The following MTFR1 variants were observed in gnomAD, a reference collection of about 807,000 sequenced individuals.
The protein encoded by MTFR1 is chondrocyte protein with a poly-proline region.
In MTFR1, 28 loss-of-function variants were observed where a neutral mutation model predicts 38.8. The ratio of observed to expected loss-of-function variants is 0.72; its 90% CI spans 0.53 to 0.99. The LOEUF is 0.99. MTFR1 is among the 50% of genes least tolerant of loss of function. The pLI, the probability that MTFR1 is intolerant of heterozygous loss-of-function variation, is 0.00. For missense variants in MTFR1, 358 were observed against 395.5 expected (o/e 0.91, Z 0.81); for synonymous variants, 145 against 137.0 (o/e 1.06, Z -0.41).
intron 3 of MTFR1, 65 bp downstream of exon 3, chr8:65,682,516 A>G: frequency 1.1e-6 from 1 of 899,562 alleles, no homozygotes; most frequent in Non-Finnish European, 1.5e-6. Context: ...AATAGGCAAG[A>G]TGGTTTTAAA....
At chr8:65,764,483 T>C (rs990473098) in intron 3 of MTFR1, among the ~76,000 whole-genome samples, 1 of 152,194 alleles carries the variant, frequency 6.6e-6, no homozygotes, top group Non-Finnish European at 1.5e-5. Flanking sequence ...CTAATGACCA[T>C]GCAGTACAGT....
intron 3 of MTFR1, among the ~76,000 whole-genome samples, chr8:65,689,186 G>C (rs1419078522): frequency 4.6e-5 from 7 of 152,104 alleles, no homozygotes; most frequent in Non-Finnish European, 8.8e-5. Context: ...TATGCATTTG[G>C]CTATAAACAA....
intron 1 of MTFR1, among the ~76,000 whole-genome samples, chr8:65,655,319 C>T (rs1208941949): frequency 6.6e-6 from 1 of 151,994 alleles, no homozygotes; most frequent in South Asian, 2.1e-4. Flanking sequence ...GAATTTGCGC[C>T]AAGTTTGATT....
At chr8:65,697,244 C>G (rs972151179) in intron 4 of MTFR1, among the ~76,000 whole-genome samples, 1 of 152,092 alleles carries the variant, frequency 6.6e-6, no homozygotes, top group African/African-American at 2.4e-5. Context: ...CTCAGCCTCC[C>G]TAAGTGTTGG....
intron 3 of MTFR1, chr8:65,719,738 C>G (rs1806295059): frequency 1.0e-5 from 5 of 491,830 alleles, no homozygotes; most frequent in Admixed American, 3.3e-5. Flanking sequence ...TATATCTAAC[C>G]TTTTCTGGTT....
chr8:65,733,857 C>T (rs751470163), intron 3 of MTFR1, among the ~76,000 whole-genome samples: 4 of 152,158 alleles, frequency 2.6e-5, no homozygotes, highest in Non-Finnish European at 4.4e-5. Context: ...TTTGGTCATC[C>T]TGTTTCCCGC....
At chr8:65,708,355 T>A in intron 7 of MTFR1, 1 of 364,948 alleles carries the variant, frequency 2.7e-6, no homozygotes, top group South Asian at 2.4e-5. Flanking sequence ...TATTTTTATT[T>A]AAGCATAGTG....
At chr8:65,686,413 A>G (rs1805075935) in intron 3 of MTFR1, among the ~76,000 whole-genome samples, 2 of 151,482 alleles carry the variant, frequency 1.3e-5, no homozygotes, top group Non-Finnish European at 2.9e-5. Flanking sequence ...CTCTACTAAA[A>G]ATACAAAAAT....
At chr8:65,755,636 A>G (rs1366031000) in intron 3 of MTFR1, among the ~76,000 whole-genome samples, 1 of 152,256 alleles carries the variant, frequency 6.6e-6, no homozygotes, top group African/African-American at 2.4e-5. Context: ...TTTAAATCAT[A>G]TAAGTAAAAG....
chr8:65,696,587 A>G (rs1266955702), intron 4 of MTFR1, among the ~76,000 whole-genome samples: 1 of 152,206 alleles, frequency 6.6e-6, no homozygotes, highest in Non-Finnish European at 1.5e-5. Context: ...ATGGCTAGCA[A>G]CTACTAATCT....
intron 3 of MTFR1, among the ~76,000 whole-genome samples, chr8:65,750,571 T>A (rs181683117): frequency 1.4e-3 from 218 of 151,720 alleles, no homozygotes; most frequent in African/African-American, 5.2e-3. Flanking sequence ...GACAACTGCA[T>A]AAGGTCCAAA....
At chr8:65,728,569 C>T (rs1014471284) in intron 3 of MTFR1, 2 of 152,062 alleles carry the variant, frequency 1.3e-5, no homozygotes, top group Non-Finnish European at 2.9e-5. Flanking sequence ...TTAGGATATA[C>T]AAAAGCATTG....
intron 3 of MTFR1, among the ~76,000 whole-genome samples, chr8:65,764,802 T>C (rs1296849174): frequency 6.6e-6 from 1 of 152,072 alleles, no homozygotes; most frequent in Non-Finnish European, 1.5e-5. Flanking sequence ...CCAAATCAAA[T>C]ACACATGAGG....
chr8:65,725,120 C>G (rs554838262), intron 3 of MTFR1, among the ~76,000 whole-genome samples: 1 of 151,786 alleles, frequency 6.6e-6, no homozygotes, highest in African/African-American at 2.4e-5. Flanking sequence ...AAAACTAAAA[C>G]CAAGAGTTTG....
intron 3 of MTFR1, among the ~76,000 whole-genome samples, chr8:65,685,637 G>A (rs1805048887): frequency 6.6e-6 from 1 of 152,174 alleles, no homozygotes; most frequent in African/African-American, 2.4e-5. Flanking sequence ...TATATAGCAA[G>A]TAAACCTGAA....
intron 4 of MTFR1, among the ~76,000 whole-genome samples, chr8:65,698,121 T>C (rs1482812831): frequency 2.0e-5 from 3 of 151,962 alleles, no homozygotes; most frequent in African/African-American, 4.8e-5. Flanking sequence ...TATAGTTTTA[T>C]ATTTTACATT....
chr8:65,702,035 C>T (rs1429953871), intron 4 of MTFR1, among the ~76,000 whole-genome samples: 2 of 151,918 alleles, frequency 1.3e-5, no homozygotes, highest in Admixed American at 6.6e-5. Context: ...TGTTAAATAC[C>T]ACTTTTAGGA....
At chr8:65,708,540 A>T (rs1805852162) in intron 7 of MTFR1, among the ~76,000 whole-genome samples, 1 of 152,128 alleles carries the variant, frequency 6.6e-6, no homozygotes, top group African/African-American at 2.4e-5. Flanking sequence ...ATTTCATGGA[A>T]GCTCCCACAT....
chr8:65,676,457 G>T (rs148975286), intron 2 of MTFR1, among the ~76,000 whole-genome samples: 1 of 152,032 alleles, frequency 6.6e-6, no homozygotes, highest in Non-Finnish European at 1.5e-5. Flanking sequence ...TCTGCCTCCC[G>T]GATTCAAGTG....
Sources: gnomAD v4.1 joint callset for allele counts (sites outside exome capture counted in the v4.1 genomes callset) on GRCh38, gnomAD v4.1.1 for gene constraint, MANE v1.5 for transcripts, NCBI Gene and HGNC (gene_info 2026-07-23, HGNC 2026-07-21) for gene names.